DPYSL3: variants seen among roughly 807,000 people sequenced by gnomAD.
DPYSL3 encodes the protein dihydropyrimidinase like 3.
Under a neutral mutation model 66.1 loss-of-function variants are expected in DPYSL3, and 16 were observed. That is an observed-to-expected ratio of 0.24 (90% CI 0.16 to 0.37). The LOEUF (loss-of-function observed/expected upper bound fraction) is 0.37. DPYSL3 is among the 10% of genes least tolerant of loss of function. The probability of loss-of-function intolerance (pLI) is 1.00; values close to 1 mark genes in which losing one functional copy is unlikely to be tolerated. For synonymous variants in DPYSL3, 338 were observed against 345.1 expected (o/e 0.98, Z 0.23); for missense variants, 738 against 916.2 (o/e 0.81, Z 2.51).
chr5:147,419,373 G>A (rs982778949), intron 2 of DPYSL3, among the ~76,000 whole-genome samples: 2 of 152,200 alleles, frequency 1.3e-5, no homozygotes, highest in African/African-American at 4.8e-5. Flanking sequence ...TCTTAGGGAG[G>A]AATAGGGGGG....
intron 1 of DPYSL3, among the ~76,000 whole-genome samples, chr5:147,505,525 C>T (rs1305700976): frequency 1.3e-5 from 2 of 152,174 alleles, no homozygotes; most frequent in Non-Finnish European, 2.9e-5. Flanking sequence ...CGTGAGCCAC[C>T]ACTCCCAGCC....
chr5:147,492,874 A>G (rs1753437982), intron 1 of DPYSL3, among the ~76,000 whole-genome samples: 1 of 152,312 alleles, frequency 6.6e-6, no homozygotes, highest in Admixed American at 6.5e-5. Context: ...TGATCCAAAT[A>G]CACCAGTTAA....
At chr5:147,403,159 A>G (rs369918376) in intron 8 of DPYSL3, among the ~76,000 whole-genome samples, 103 of 152,356 alleles carry the variant, frequency 6.8e-4, no homozygotes, top group African/African-American at 2.4e-3. Flanking sequence ...TGTCTGCCAT[A>G]GGCAAAAGAA....
intron 1 of DPYSL3, among the ~76,000 whole-genome samples, chr5:147,458,984 ATTTT>A (rs61178145): frequency 7.2e-6 from 1 of 138,392 alleles, no homozygotes; most frequent in African/African-American, 2.7e-5. Context: ...TAATATTTTG[ATTTT>A]TTTTTTTTTT....
intron 6 of DPYSL3, among the ~76,000 whole-genome samples, chr5:147,409,866 G>T (rs1353043986): frequency 1.3e-5 from 2 of 152,094 alleles, no homozygotes; most frequent in Non-Finnish European, 2.9e-5. Context: ...AGAAAGGTAA[G>T]GATTCTTACC....
At chr5:147,461,578 G>A (rs1752931813) in intron 1 of DPYSL3, among the ~76,000 whole-genome samples, 1 of 152,138 alleles carries the variant, frequency 6.6e-6, no homozygotes, top group African/African-American at 2.4e-5. Context: ...TATCACCCCA[G>A]ACAACGATGC....
intron 1 of DPYSL3, among the ~76,000 whole-genome samples, chr5:147,486,030 A>G (rs534093336): frequency 2.6e-5 from 4 of 152,296 alleles, no homozygotes; most frequent in African/African-American, 9.6e-5. Context: ...TAAAAAGGAA[A>G]GAAGTACTGA....
rs147214429 is a variant in DPYSL3 at position 147,397,746 on chromosome 5, C to T, written c.1723G>A (p.Val575Met). The change falls in exon 12 of 14, where the codon GTG becomes ATG. Residue 575 changes from valine (V) to methionine (M), a missense_variant. By Grantham distance (21) the Val-to-Met change is conservative. Transcript: ENST00000343218. ...ATGAAGCGGCCAGCCCCCTGGGTCA[C>T]GTGCAGGTTGCCATCTTCCAGCATG... is the stretch of plus-strand genomic sequence containing the variant. ...KIMLEDGNLH[V>M]TQGAGRFIPC... The T allele has an allele frequency of 2.4e-5, 39 of 1,614,168 alleles. No individual in the cohort carries two copies. Among genetic ancestry groups the T allele is most frequent in the East Asian group, 6.7e-5 (3 of 44,872 alleles).
chr5:147,401,431 T>C, intron 9 of DPYSL3, 109 bp downstream of exon 9: 1 of 1,287,722 alleles, frequency 7.8e-7, no homozygotes, highest in Non-Finnish European at 1.0e-6. Context: ...CTGTTCACAC[T>C]GCAGACTCTG....
intron 5 of DPYSL3, 46 bp downstream of exon 5, chr5:147,413,550 G>A: frequency 6.7e-7 from 1 of 1,487,058 alleles, no homozygotes; most frequent in Non-Finnish European, 9.4e-7. Context: ...ACAACAATAG[G>A]AAACCCATCC....
intron 1 of DPYSL3, among the ~76,000 whole-genome samples, chr5:147,459,355 G>A (rs1752899766): frequency 6.6e-6 from 1 of 151,966 alleles, no homozygotes; most frequent in African/African-American, 2.4e-5. Flanking sequence ...GTATATACTA[G>A]GCCTATGTGA....
At chr5:147,417,213 G>C (rs779149468) in intron 3 of DPYSL3, among the ~76,000 whole-genome samples, 1 of 152,148 alleles carries the variant, frequency 6.6e-6, no homozygotes, top group Non-Finnish European at 1.5e-5. Flanking sequence ...TGCCAAACAG[G>C]TCCAACTCCT....
intron 1 of DPYSL3, among the ~76,000 whole-genome samples, chr5:147,452,885 A>G (rs1489279456): frequency 1.3e-4 from 2 of 15,096 alleles, no homozygotes; most frequent in Admixed American, 4.0e-4. Context: ...TCGAAGGCAC[A>G]CACACACACA....
chr5:147,491,764 C>T (rs562080279), intron 1 of DPYSL3, among the ~76,000 whole-genome samples: 6 of 150,314 alleles, frequency 4.0e-5, no homozygotes, highest in Non-Finnish European at 8.9e-5. Flanking sequence ...AAAAAAAAGA[C>T]CAAAAAAAGA....
chr5:147,508,313 G>C (rs776626360), intron 1 of DPYSL3, among the ~76,000 whole-genome samples: 2 of 152,296 alleles, frequency 1.3e-5, no homozygotes, highest in African/African-American at 4.8e-5. Context: ...CAGAGATGCT[G>C]TTCTTTCACT....
chr5:147,480,622 G>A (rs967207343), intron 1 of DPYSL3, among the ~76,000 whole-genome samples: 5 of 151,646 alleles, frequency 3.3e-5, no homozygotes, highest in Admixed American at 2.0e-4. Flanking sequence ...AGCTTTATCT[G>A]CTGTAGGAAG....
intron 12 of DPYSL3, among the ~76,000 whole-genome samples, chr5:147,396,893 T>C (rs1461531833): frequency 1.3e-5 from 2 of 149,238 alleles, no homozygotes; most frequent in South Asian, 2.1e-4. Context: ...ATAGTGTGTG[T>C]ATAGAAAGTA....
intron 1 of DPYSL3, among the ~76,000 whole-genome samples, chr5:147,485,771 T>G (rs1167409195): frequency 6.6e-6 from 1 of 152,206 alleles, no homozygotes; most frequent in Admixed American, 6.5e-5. Flanking sequence ...TCCTCCGCAA[T>G]CCTCTTCTAT....
At chr5:147,470,051 G>A (rs1753062863) in intron 1 of DPYSL3, among the ~76,000 whole-genome samples, 1 of 152,194 alleles carries the variant, frequency 6.6e-6, no homozygotes, top group Admixed American at 6.5e-5. Flanking sequence ...TGACCCACAT[G>A]CAATGATACT....
Sources: gnomAD v4.1 joint callset for allele counts (sites outside exome capture counted in the v4.1 genomes callset) on GRCh38, gnomAD v4.1.1 for gene constraint, MANE v1.5 for transcripts, NCBI Gene and HGNC (gene_info 2026-07-23, HGNC 2026-07-21) for gene names.